LRBA: variants seen among roughly 807,000 people sequenced by gnomAD.
LRBA encodes LPS responsive beige-like anchor protein, also known as lipopolysaccharide-responsive and beige-like anchor protein.
A neutral mutation model predicts 330.0 loss-of-function variants in LRBA; 176 were observed. The ratio of observed to expected loss-of-function variants is 0.53; its 90% CI spans 0.47 to 0.60. The LOEUF (loss-of-function observed/expected upper bound fraction) is 0.60. LRBA is among the 20% of genes least tolerant of loss of function. The probability of loss-of-function intolerance (pLI) is 0.00; values close to 1 mark genes in which losing one functional copy is unlikely to be tolerated. For missense variants in LRBA, 3,259 were observed against 3,444.8 expected (o/e 0.95, Z 1.35); for synonymous variants, 1,230 against 1,193.0 (o/e 1.03, Z -0.64).
intron 46 of LRBA, among the ~76,000 whole-genome samples, chr4:150,431,991 C>T (rs1003661044): frequency 1.3e-5 from 2 of 151,782 alleles, no homozygotes; most frequent in Non-Finnish European, 2.9e-5. Flanking sequence ...TAGGAATAAC[C>T]TCAATTTTGG....
At position 150,928,535 on chromosome 4, in the gene LRBA, T is replaced by G. The variant is rs1579231637; in HGVS notation, c.530A>C (p.Gln177Pro). Reference protein sequence around the residue: ...RELKLFFSKLQGDKGRWPPHA... With the variant: ...RELKLFFSKLPGDKGRWPPHA... ...TTTTACCCATCGTCCTTTATCTCCTTGAAGTTTACTGAAGAAAAGCTTTAG... is the reference window on the plus strand; with the variant it reads ...TTTTACCCATCGTCCTTTATCTCCTGGAAGTTTACTGAAGAAAAGCTTTAG... Residue 177 changes from glutamine (Q) to proline (P), a missense_variant, in exon 4 of 57, where the codon CAA (glutamine) becomes CCA (proline). Coordinates refer to ENST00000651943, the MANE Select transcript of LRBA (RefSeq NM_001364905.1). The G allele has an allele frequency of 6.2e-7, 1 of 1,613,634 alleles. No homozygotes were observed. The highest frequency in any genetic ancestry group is 8.5e-7 in the Non-Finnish European group (1 of 1,179,696).
At chr4:150,350,329 T>A (rs1367898531) in intron 47 of LRBA, among the ~76,000 whole-genome samples, 170 bp from the exon 48 acceptor site, 1 of 152,178 alleles carries the variant, frequency 6.6e-6, no homozygotes, top group Non-Finnish European at 1.5e-5. Flanking sequence ...CCCAGCACTC[T>A]GGGAGGCCGA....
At chr4:150,691,157 CT>C (rs1219278357) in intron 36 of LRBA, among the ~76,000 whole-genome samples, 1 of 152,002 alleles carries the variant, frequency 6.6e-6, no homozygotes, top group Non-Finnish European at 1.5e-5. Flanking sequence ...GTCTCAATCT[CT>C]TGACCTCATG....
rs113740879 is a variant in LRBA, at chr4:150,548,482, C to G, written c.6330+39566G>C. Among the ~76,000 whole-genome samples, 120 of 151,508 alleles carry G rather than the reference C, an allele frequency of 7.9e-4. 1 individual carries two copies. Among genetic ancestry groups the G allele is most frequent in the African/African-American group, 2.8e-3 (117 of 41,484 alleles). On this transcript the variant is annotated intron_variant, in intron 40 of 56. Transcript: ENST00000651943. ...ATCTCGCAAATGTCTACATACTCTACCAAAACAATAGGAAACTGAGGAAGA... is the reference window on the plus strand; with the variant it reads ...ATCTCGCAAATGTCTACATACTCTAGCAAAACAATAGGAAACTGAGGAAGA...
intron 17 of LRBA, among the ~76,000 whole-genome samples, chr4:150,880,136 C>G (rs1345851348): frequency 6.6e-6 from 1 of 152,176 alleles, no homozygotes; most frequent in Non-Finnish European, 1.5e-5. Flanking sequence ...GAAAAATAAG[C>G]AATGGGGAAA....
At chr4:150,397,825 A>G (rs1744949711) in intron 47 of LRBA, among the ~76,000 whole-genome samples, 1 of 152,200 alleles carries the variant, frequency 6.6e-6, no homozygotes, top group Non-Finnish European at 1.5e-5. Context: ...CACTTACCTC[A>G]TAAACTTATT....
intron 35 of LRBA, among the ~76,000 whole-genome samples, chr4:150,751,850 A>C (rs1009982497): frequency 1.3e-5 from 2 of 152,154 alleles, no homozygotes; most frequent in African/African-American, 4.8e-5. Context: ...ACTACATTAC[A>C]GCCCATTGTC....
chr4:150,364,639 G>A (rs1373613341), intron 47 of LRBA, among the ~76,000 whole-genome samples: 1 of 152,154 alleles, frequency 6.6e-6, no homozygotes, highest in Non-Finnish European at 1.5e-5. Flanking sequence ...AATCTGGTGT[G>A]CCATGTTGAT....
At chr4:150,601,570 C>G (rs1774114518) in intron 37 of LRBA, among the ~76,000 whole-genome samples, 1 of 151,952 alleles carries the variant, frequency 6.6e-6, no homozygotes, top group African/African-American at 2.4e-5. Flanking sequence ...TTGGCTAAAA[C>G]AAAAACACCA....
At chr4:150,661,694 T>C (rs952877282) in intron 37 of LRBA, among the ~76,000 whole-genome samples, 6 of 152,052 alleles carry the variant, frequency 3.9e-5, no homozygotes, top group African/African-American at 1.4e-4. Flanking sequence ...CATTGCAACC[T>C]CTGCCTTGAG....
intron 34 of LRBA, among the ~76,000 whole-genome samples, chr4:150,791,400 T>C (rs1739887283): frequency 1.3e-5 from 2 of 152,228 alleles, no homozygotes; most frequent in African/African-American, 4.8e-5. Context: ...TTATCTTATA[T>C]TACAATTATT....
intron 37 of LRBA, among the ~76,000 whole-genome samples, chr4:150,611,158 C>T (rs1407484014): frequency 1.3e-5 from 2 of 152,056 alleles, no homozygotes; most frequent in Non-Finnish European, 2.9e-5. Context: ...GGAGGCAGGA[C>T]CTCACTCTTT....
intron 42 of LRBA, among the ~76,000 whole-genome samples, chr4:150,482,186 G>A (rs1757372891): frequency 6.6e-6 from 1 of 151,978 alleles, no homozygotes; most frequent in Non-Finnish European, 1.5e-5. Flanking sequence ...TCCCTTGTAT[G>A]CAATTCTTCC....
At chr4:150,573,925 T>C (rs1034664081) in intron 40 of LRBA, among the ~76,000 whole-genome samples, 2 of 152,168 alleles carry the variant, frequency 1.3e-5, no homozygotes, top group Non-Finnish European at 2.9e-5. Context: ...CTTAGCACAA[T>C]GTCATTTCTC....
intron 47 of LRBA, among the ~76,000 whole-genome samples, chr4:150,411,572 C>T (rs1747003634): frequency 6.6e-6 from 1 of 152,148 alleles, no homozygotes; most frequent in African/African-American, 2.4e-5. Context: ...AGAGGGACAG[C>T]TGCAACACTA....
intron 46 of LRBA, among the ~76,000 whole-genome samples, chr4:150,426,521 T>C (rs1678042057): frequency 6.6e-6 from 1 of 152,094 alleles, no homozygotes; most frequent in Admixed American, 6.5e-5. Context: ...TCAATTGCCA[T>C]TTCAAAATCA....
intron 26 of LRBA, among the ~76,000 whole-genome samples, chr4:150,846,229 T>C (rs997004110): frequency 1.3e-5 from 2 of 151,978 alleles, no homozygotes; most frequent in Non-Finnish European, 2.9e-5. Flanking sequence ...GAGTGCGTAA[T>C]GATTGAAAAT....
chr4:150,638,537 C>G (rs1466144904), intron 37 of LRBA, among the ~76,000 whole-genome samples: 1 of 152,134 alleles, frequency 6.6e-6, no homozygotes, highest in African/African-American at 2.4e-5. Context: ...CTTAAGAACA[C>G]ATAAGGACAT....
rs113378071 is a variant in LRBA, at chr4:150,745,672, C to T, written c.5646-10306G>A. On this transcript the variant is annotated intron_variant, in intron 35 of 56. Coordinates refer to ENST00000651943, the MANE Select transcript of LRBA (RefSeq NM_001364905.1). Reference sequence around the variant, plus strand: ...CTGGGATTACAGGCACGCACCACCACGCCCAGCTAATTTTTGTATCTTTAG... The same window carrying T: ...CTGGGATTACAGGCACGCACCACCATGCCCAGCTAATTTTTGTATCTTTAG... Among the ~76,000 whole-genome samples the T allele has an allele frequency of 4.3e-3, 649 of 152,148 alleles. 4 individuals are homozygous for T. The highest frequency in any genetic ancestry group is 0.015 in the African/African-American group (628 of 41,508).
Sources: allele counts gnomAD v4.1 joint callset (sites outside exome capture counted in the v4.1 genomes callset), GRCh38; gene constraint gnomAD v4.1.1; transcripts MANE v1.5; gene names NCBI Gene and HGNC (gene_info 2026-07-23, HGNC 2026-07-21).